AGBL4: variants seen among roughly 807,000 people sequenced by gnomAD.
AGBL4 encodes cytosolic carboxypeptidase 6.
Under a neutral mutation model 66.4 loss-of-function variants are expected in AGBL4, and 58 were observed. The ratio of observed to expected loss-of-function variants is 0.87; its 90% CI spans 0.71 to 1.09. AGBL4 has a LOEUF of 1.09. Among genes scored for constraint, AGBL4 ranks in the 50% least tolerant of loss-of-function variants. The probability of loss-of-function intolerance (pLI) is 0.00; values close to 1 mark genes in which losing one functional copy is unlikely to be tolerated. For synonymous variants in AGBL4, 234 were observed against 222.9 expected, an observed-to-expected ratio of 1.05 and a Z score of -0.44; for missense variants, 579 against 631.0, an observed-to-expected ratio of 0.92 and a Z score of 0.88.
chr1:50,014,216 C>A (rs1376632225), intron 1 of AGBL4, among the ~76,000 whole-genome samples: 2 of 151,720 alleles, frequency 1.3e-5, no homozygotes, highest in East Asian at 3.9e-4. Flanking sequence ...ACTAAAAATA[C>A]AAAAATTAGC....
intron 3 of AGBL4, among the ~76,000 whole-genome samples, chr1:49,624,289 C>T (rs1019256865): frequency 6.6e-6 from 1 of 152,084 alleles, no homozygotes; most frequent in Non-Finnish European, 1.5e-5. Flanking sequence ...CCATGCCTGG[C>T]ACATAATAAA....
intron 3 of AGBL4, among the ~76,000 whole-genome samples, chr1:49,605,897 C>T (rs1384487507): frequency 6.6e-6 from 1 of 151,962 alleles, no homozygotes; most frequent in Non-Finnish European, 1.5e-5. Context: ...TTAATAGGAT[C>T]ATTCAAAAAA....
intron 1 of AGBL4, among the ~76,000 whole-genome samples, chr1:49,987,003 G>A (rs1461448806): frequency 1.3e-5 from 2 of 151,960 alleles, no homozygotes; most frequent in African/African-American, 4.8e-5. Flanking sequence ...AAAATCTGCA[G>A]AAGATTTTGA....
At chr1:49,530,273 C>CAAA (rs1171374859) in intron 3 of AGBL4, among the ~76,000 whole-genome samples, 5 of 111,952 alleles carry the variant, frequency 4.5e-5, no homozygotes, top group South Asian at 2.9e-4. Context: ...AAAAAAAAAA[C>CAAA]AAAAAAAAAC....
chr1:49,920,989 G>A (rs1353024216), intron 1 of AGBL4, among the ~76,000 whole-genome samples: 1 of 152,124 alleles, frequency 6.6e-6, no homozygotes, highest in African/African-American at 2.4e-5. Context: ...CTATCGCAAG[G>A]ACAGAAAACC....
intron 5 of AGBL4, among the ~76,000 whole-genome samples, chr1:48,894,462 T>A (rs1651303116): frequency 6.6e-6 from 1 of 152,196 alleles, no homozygotes; most frequent in African/African-American, 2.4e-5. Context: ...GAAAGTCATC[T>A]TCAGGGGCCC....
chr1:48,585,146 G>A (rs1419706945), intron 11 of AGBL4: 1 of 152,188 alleles, frequency 6.6e-6, no homozygotes, highest in Non-Finnish European at 1.5e-5. Flanking sequence ...CCTTGGGCCT[G>A]AACCAAGGGT....
In AGBL4 at chr1:50,023,864, C is replaced by T; in HGVS notation, c.-68G>A. On this transcript the variant is annotated 5_prime_UTR_variant, in exon 1 of 14. Transcript: ENST00000371839. ...GGCAGTAGGGAGCGGGTGGTGGGAT[C>T]AGTGGGCTGACAGGAGCTACCTCAG... 2.6e-6 allele frequency: 4 copies of T among 1,511,656 alleles called. No individual in the cohort carries two copies. Among genetic ancestry groups the T allele is most frequent in the Non-Finnish European group, 3.6e-6 (4 of 1,123,126 alleles). 93.6% of individuals were successfully genotyped at this position (1,511,656 alleles called of 1,614,324 possible). A position where few individuals can be genotyped will look rare whatever the true frequency, so the allele number is the denominator to read the frequency against.
At chr1:49,652,868 A>G (rs6657839) in intron 3 of AGBL4, among the ~76,000 whole-genome samples, 14,105 of 152,184 alleles carry the variant, frequency 0.093, 866 homozygotes, top group African/African-American at 0.16. Context: ...AGTATTGTCA[A>G]TCAGTGGTCT....
At chr1:49,365,542 AATG>A (rs1234495723) in intron 3 of AGBL4, among the ~76,000 whole-genome samples, 1 of 150,748 alleles carries the variant, frequency 6.6e-6, no homozygotes, top group Non-Finnish European at 1.5e-5. Context: ...GCTAAATTAT[AATG>A]ATAATAATGA....
chr1:48,880,166 C>CCTT (rs2148841295), intron 5 of AGBL4, among the ~76,000 whole-genome samples: 1 of 152,168 alleles, frequency 6.6e-6, no homozygotes, highest in Non-Finnish European at 1.5e-5. Flanking sequence ...CATTGTTATC[C>CCTT]CTTAGCATCC....
intron 5 of AGBL4, among the ~76,000 whole-genome samples, chr1:49,043,283 T>C (rs1230240356): frequency 1.3e-5 from 2 of 152,170 alleles, no homozygotes; most frequent in Admixed American, 6.5e-5. Context: ...CTTTGTTCTC[T>C]GGATTCTGGT....
At chr1:49,288,330 A>G (rs1467597880) in intron 3 of AGBL4, among the ~76,000 whole-genome samples, 1 of 151,512 alleles carries the variant, frequency 6.6e-6, no homozygotes, top group Non-Finnish European at 1.5e-5. Flanking sequence ...TAACCTGCAC[A>G]ATGTGCACAT....
intron 6 of AGBL4, among the ~76,000 whole-genome samples, chr1:48,675,377 A>G (rs1343552374): frequency 6.6e-6 from 1 of 152,180 alleles, no homozygotes; most frequent in African/African-American, 2.4e-5. Context: ...ATTATTTGCT[A>G]ATGTTTTTTT....
intron 11 of AGBL4, among the ~76,000 whole-genome samples, chr1:48,566,716 C>CATAA (rs1239900974): frequency 2.0e-5 from 3 of 152,224 alleles, no homozygotes; most frequent in Admixed American, 2.0e-4. Context: ...CTGAATTGAA[C>CATAA]ATAAGACTGA....
intron 1 of AGBL4, among the ~76,000 whole-genome samples, chr1:49,967,639 TA>T (rs1167517170): frequency 6.6e-6 from 1 of 152,050 alleles, no homozygotes; most frequent in East Asian, 1.9e-4. Context: ...ACTTAAAGTA[TA>T]ATCAAAAAAT....
At chr1:49,894,049 G>A (rs1482839981) in intron 1 of AGBL4, among the ~76,000 whole-genome samples, 1 of 152,134 alleles carries the variant, frequency 6.6e-6, no homozygotes, top group Non-Finnish European at 1.5e-5. Flanking sequence ...TTGTTTAGGA[G>A]AAAGTAAGGG....
At chr1:48,656,580 T>C (rs553829479) in intron 7 of AGBL4, among the ~76,000 whole-genome samples, 4 of 152,034 alleles carry the variant, frequency 2.6e-5, no homozygotes, top group Admixed American at 2.0e-4. Context: ...AGAAGAGATA[T>C]TGGAAAGGGG....
chr1:49,327,954 C>T (rs1423277983), intron 3 of AGBL4, among the ~76,000 whole-genome samples: 1 of 152,046 alleles, frequency 6.6e-6, no homozygotes, highest in Non-Finnish European at 1.5e-5. Flanking sequence ...GACAGGGTTC[C>T]CTAACAGGTG....
Sources: gnomAD v4.1 joint callset for allele counts (sites outside exome capture counted in the v4.1 genomes callset) on GRCh38, gnomAD v4.1.1 for gene constraint, MANE v1.5 for transcripts, NCBI Gene and HGNC (gene_info 2026-07-23, HGNC 2026-07-21) for gene names.